Variants in SLC8A1 observed in about 807,000 individuals in gnomAD.
The protein encoded by SLC8A1 is solute carrier family 8 member A1, also known as sodium/calcium exchanger 1.
In SLC8A1, 18 loss-of-function variants were observed where a neutral mutation model predicts 68.3. The ratio of observed to expected loss-of-function variants is 0.26; its 90% CI spans 0.18 to 0.39. The LOEUF is 0.39. Among genes scored for constraint, SLC8A1 ranks in the 10% least tolerant of loss-of-function variants. The pLI is 1.00. For synonymous variants in SLC8A1, 475 were observed against 415.5 expected, an observed-to-expected ratio of 1.14 and a Z score of -1.74; for missense variants, 985 against 1,156.7, an observed-to-expected ratio of 0.85 and a Z score of 2.15.
intron 2 of SLC8A1, among the ~76,000 whole-genome samples, chr2:40,402,058 T>G (rs1422160887): frequency 6.6e-6 from 1 of 152,162 alleles, no homozygotes; most frequent in East Asian, 1.9e-4. Context: ...CATTCTCAAG[T>G]GGTGAGGCAT....
In SLC8A1 at chr2:40,194,485, G is replaced by GTT; in HGVS notation, c.1809-16631_1809-16630insAA. Among the ~76,000 whole-genome samples, 3 of 146,606 alleles carry GTT rather than the reference G, an allele frequency of 2.0e-5. No individual in the cohort carries two copies. In the East Asian group the frequency reaches 5.9e-4, roughly 29 times the overall value. ...CAGTAAGCAATGTGTGTGTGTGTGT[G>GTT]TGTGTGTGTGTGTGTGTGTGTGCGC... is the stretch of plus-strand genomic sequence containing the variant. On this transcript the variant is annotated intron_variant, in intron 2 of 7. Transcript: ENST00000406785.
intron 7 of SLC8A1, among the ~76,000 whole-genome samples, chr2:40,137,498 T>C (rs1392106243): frequency 6.6e-6 from 1 of 152,204 alleles, no homozygotes; most frequent in Non-Finnish European, 1.5e-5. Flanking sequence ...TGTGATTCAG[T>C]GACTTAAACC....
chr2:40,105,893 G>A (rs1399038226), exon 8 of SLC8A1: 4 of 152,250 alleles, frequency 2.6e-5, no homozygotes, highest in Admixed American at 2.6e-4. Context: ...CAGTGGTGAT[G>A]TGATTATGAC....
chr2:40,338,213 T>C (rs1022009253), intron 2 of SLC8A1, among the ~76,000 whole-genome samples: 3 of 152,092 alleles, frequency 2.0e-5, no homozygotes, highest in Non-Finnish European at 4.4e-5. Context: ...AAGACAGAGA[T>C]CTTCAAGGAT....
At chr2:40,164,733 C>A (rs976404429) in intron 5 of SLC8A1, 121 bp downstream of exon 8, 12 of 1,331,888 alleles carry the variant, frequency 9.0e-6, no homozygotes, top group Non-Finnish European at 1.2e-5. Context: ...AATTCACAAG[C>A]CAGTTCCTGA....
At chr2:40,121,910 A>G (rs999367471) in intron 7 of SLC8A1, among the ~76,000 whole-genome samples, 14 of 152,202 alleles carry the variant, frequency 9.2e-5, no homozygotes, top group Non-Finnish European at 2.9e-5. Context: ...TCATACAACC[A>G]AAGTCATTAA....
At chr2:40,176,463 G>T (rs183057305) in intron 3 of SLC8A1, among the ~76,000 whole-genome samples, 1 of 152,208 alleles carries the variant, frequency 6.6e-6, no homozygotes, top group Admixed American at 6.5e-5. Context: ...CATCTTTTAA[G>T]AAATCAGCAT....
intron 2 of SLC8A1, among the ~76,000 whole-genome samples, chr2:40,377,322 T>A (rs938428216): frequency 1.8e-4 from 28 of 152,152 alleles, no homozygotes; most frequent in African/African-American, 6.0e-4. Flanking sequence ...ACCCCAAGCA[T>A]CACATAAGAC....
At chr2:40,504,439 A>C (rs1247031208) in intron 1 of SLC8A1, among the ~76,000 whole-genome samples, 4 of 152,128 alleles carry the variant, frequency 2.6e-5, no homozygotes, top group Non-Finnish European at 5.9e-5. Flanking sequence ...ACAGGCAACC[A>C]AAGCAAAAAT....
rs939468742 is a variant in SLC8A1, at chr2:40,495,314, ATTG to A, written c.-25+17032_-25+17034del. Reference sequence around the variant, plus strand: ...GTCAACAAATGGAGTCATACTAATTATTGTTGTTATTAATCTCTCTATGCCTGA... The same window carrying A: ...GTCAACAAATGGAGTCATACTAATTATTGTTATTAATCTCTCTATGCCTGA... On this transcript the variant is annotated intron_variant, in intron 1 of 7. Coordinates refer to the SLC8A1 transcript ENST00000402441. 6.5e-4 allele frequency among the ~76,000 whole-genome samples: 99 copies of A among 152,166 alleles called. 1 individual carries two copies. Among genetic ancestry groups the A allele is most frequent in the African/African-American group, 2.3e-3 (94 of 41,524 alleles).
At chr2:40,378,228 G>A (rs1318595571) in intron 2 of SLC8A1, among the ~76,000 whole-genome samples, 4 of 152,250 alleles carry the variant, frequency 2.6e-5, no homozygotes, top group East Asian at 3.9e-4. Flanking sequence ...GTATATGGAA[G>A]GACATGGGAG....
At chr2:40,433,011 C>T (rs755839040) in intron 1 of SLC8A1, among the ~76,000 whole-genome samples, 10 of 152,086 alleles carry the variant, frequency 6.6e-5, no homozygotes, top group African/African-American at 9.7e-5. Flanking sequence ...AATAGTAGTA[C>T]TGAACATAAA....
At chr2:40,221,163 C>T (rs1225513360) in intron 2 of SLC8A1, among the ~76,000 whole-genome samples, 1 of 152,154 alleles carries the variant, frequency 6.6e-6, no homozygotes, top group African/African-American at 2.4e-5. Context: ...TCCAGCAGCA[C>T]ATCAAAAACC....
chr2:40,277,794 G>GTA (rs56145701), intron 2 of SLC8A1, among the ~76,000 whole-genome samples: 5,880 of 107,626 alleles, frequency 0.055, 157 homozygotes, highest in Non-Finnish European at 0.072. Flanking sequence ...ATATATGTGT[G>GTA]TATATATATA....
chr2:40,129,489 G>C (rs1174946275), intron 7 of SLC8A1, among the ~76,000 whole-genome samples: 1 of 152,074 alleles, frequency 6.6e-6, no homozygotes, highest in Non-Finnish European at 1.5e-5. Context: ...TCCTGCCTTG[G>C]CCTCCCAAAG....
intron 2 of SLC8A1, among the ~76,000 whole-genome samples, chr2:40,239,781 T>C (rs1466267698): frequency 5.3e-5 from 8 of 152,222 alleles, no homozygotes; most frequent in East Asian, 1.9e-4. Flanking sequence ...CCCACTTACA[T>C]TGTTACAGGA....
chr2:40,432,361 G>C (rs1160702144), intron 1 of SLC8A1, among the ~76,000 whole-genome samples: 1 of 149,526 alleles, frequency 6.7e-6, no homozygotes, highest in Non-Finnish European at 1.5e-5. Context: ...TGGTACATGT[G>C]TGTGCAGAAC....
chr2:40,331,082 C>G (rs1220080231), intron 2 of SLC8A1, among the ~76,000 whole-genome samples: 1 of 152,124 alleles, frequency 6.6e-6, no homozygotes, highest in Non-Finnish European at 1.5e-5. Flanking sequence ...GACAAGGGTT[C>G]AAATCTTGGC....
exon 6 of SLC8A1, chr2:40,160,778 G>C: frequency 6.2e-7 from 1 of 1,613,118 alleles, no homozygotes; most frequent in Non-Finnish European, 8.5e-7. Context: ...CACTGACAGT[G>C]ATAGCTTCAA....
Sources: allele counts gnomAD v4.1 joint callset (sites outside exome capture counted in the v4.1 genomes callset), GRCh38; gene constraint gnomAD v4.1.1; transcripts MANE v1.5; gene names NCBI Gene and HGNC (gene_info 2026-07-23, HGNC 2026-07-21).